Variants in TMEM17 observed in about 807,000 individuals in gnomAD.
TMEM17 encodes transmembrane protein 17.
TMEM17 carries 15 observed loss-of-function variants against 19.1 expected under a neutral mutation model. The ratio of observed to expected loss-of-function variants is 0.78; its 90% CI spans 0.52 to 1.21. The LOEUF is 1.21. TMEM17 is among the 50% of genes most tolerant of loss of function. The pLI, the probability that TMEM17 is intolerant of heterozygous loss-of-function variation, is 0.00. For synonymous variants in TMEM17, 103 were observed against 86.9 expected (o/e 1.19, Z -1.03); for missense variants, 245 against 242.3 (o/e 1.01, Z -0.07).
chr2:62,464,802 G>C, the TMEM17 span, among the ~76,000 whole-genome samples: 2 of 152,166 alleles, frequency 1.3e-5, no homozygotes, highest in African/African-American at 4.8e-5. Context: ...GGCCAGAGAT[G>C]AAATCATAGG....
chr2:62,483,995 G>T, the TMEM17 span, among the ~76,000 whole-genome samples: 6 of 152,146 alleles, frequency 3.9e-5, no homozygotes, highest in African/African-American at 7.2e-5. Flanking sequence ...AAAATTTCCT[G>T]CCTTAGCTCT....
At chr2:62,473,906 A>C in the TMEM17 span, among the ~76,000 whole-genome samples, 2 of 152,198 alleles carry the variant, frequency 1.3e-5, no homozygotes, top group African/African-American at 2.4e-5. Flanking sequence ...GCTTGAACTG[A>C]TCATTGCAGA....
At chr2:62,497,744 C>A (rs1444233178), downstream of TMEM17, among the ~76,000 whole-genome samples, 1 of 152,238 alleles carries the variant, frequency 6.6e-6, no homozygotes, top group Non-Finnish European at 1.5e-5. Flanking sequence ...GCCTACCCCC[C>A]TCAGACAATG....
downstream of TMEM17, among the ~76,000 whole-genome samples, chr2:62,499,024 T>C (rs971839937): frequency 2.0e-5 from 3 of 152,194 alleles, no homozygotes; most frequent in African/African-American, 4.8e-5. Flanking sequence ...CAAAAAACCA[T>C]GGTTTTATTG....
intron 1 of TMEM17, among the ~76,000 whole-genome samples, chr2:62,504,931 A>G (rs1476007553): frequency 6.6e-6 from 1 of 152,184 alleles, no homozygotes; most frequent in African/African-American, 2.4e-5. Context: ...AATATTTACT[A>G]TCTGGTCCTT....
the TMEM17 span, among the ~76,000 whole-genome samples, chr2:62,474,807 T>C: frequency 6.6e-6 from 1 of 152,226 alleles, no homozygotes; most frequent in Non-Finnish European, 1.5e-5. Context: ...CGAGGGTCTC[T>C]GACTGTTGGA....
the TMEM17 span, among the ~76,000 whole-genome samples, chr2:62,483,551 C>A: frequency 3.3e-5 from 5 of 151,790 alleles, no homozygotes; most frequent in African/African-American, 4.8e-5. Flanking sequence ...AAATCCTAAA[C>A]CCTAGATATT....
the TMEM17 span, among the ~76,000 whole-genome samples, chr2:62,453,894 T>C: frequency 1.3e-5 from 2 of 152,164 alleles, no homozygotes; most frequent in African/African-American, 4.8e-5. Flanking sequence ...TTGCATCTCA[T>C]GGAGGTAAGA....
chr2:62,475,878 G>A, the TMEM17 span, among the ~76,000 whole-genome samples: 98 of 152,288 alleles, frequency 6.4e-4, no homozygotes, highest in Middle Eastern at 6.8e-3. Flanking sequence ...ACAATTAATT[G>A]CCATGTTGTG....
chr2:62,472,481 C>A, the TMEM17 span, among the ~76,000 whole-genome samples: 1 of 152,192 alleles, frequency 6.6e-6, no homozygotes, highest in African/African-American at 2.4e-5. Context: ...CCCTGTCTGT[C>A]TCCCAAATGA....
the TMEM17 span, among the ~76,000 whole-genome samples, chr2:62,472,563 G>T: frequency 0.042 from 6,382 of 152,244 alleles, 479 homozygotes; most frequent in African/African-American, 0.15. Context: ...AGTTTTGCTG[G>T]CTGTCATTCC....
the TMEM17 span, among the ~76,000 whole-genome samples, chr2:62,467,244 A>G: frequency 6.6e-6 from 1 of 151,798 alleles, no homozygotes; most frequent in African/African-American, 2.4e-5. Flanking sequence ...TTTACTTTGA[A>G]GCTATCACAG....
chr2:62,461,410 G>A, the TMEM17 span, among the ~76,000 whole-genome samples: 8 of 152,180 alleles, frequency 5.3e-5, no homozygotes, highest in Non-Finnish European at 1.0e-4. Context: ...CTGGTTTTCT[G>A]GTTCCCTGCT....
At chr2:62,480,823 G>T in the TMEM17 span, among the ~76,000 whole-genome samples, 1 of 152,180 alleles carries the variant, frequency 6.6e-6, no homozygotes, top group South Asian at 2.1e-4. Flanking sequence ...TTGAATATTT[G>T]CAGGACTGGT....
the TMEM17 span, among the ~76,000 whole-genome samples, chr2:62,458,176 A>G: frequency 7.2e-5 from 11 of 152,244 alleles, no homozygotes; most frequent in Admixed American, 3.9e-4. Flanking sequence ...CCAAGGTTAG[A>G]ACTCAAGCCT....
chr2:62,462,565 G>C, the TMEM17 span, among the ~76,000 whole-genome samples: 4 of 152,178 alleles, frequency 2.6e-5, no homozygotes, highest in Non-Finnish European at 4.4e-5. Flanking sequence ...AAGGTACTCA[G>C]TATTTGAATT....
chr2:62,472,465 C>T, the TMEM17 span, among the ~76,000 whole-genome samples: 1 of 152,186 alleles, frequency 6.6e-6, no homozygotes, highest in Admixed American at 6.5e-5. Context: ...CTCTGGCTGG[C>T]GTCTCCCCTG....
chr2:62,467,229 C>T, the TMEM17 span, among the ~76,000 whole-genome samples: 1 of 152,062 alleles, frequency 6.6e-6, no homozygotes, highest in Admixed American at 6.5e-5. Flanking sequence ...TGCACCTGCC[C>T]CTTGTTTACT....
the TMEM17 span, among the ~76,000 whole-genome samples, chr2:62,487,736 C>T: frequency 6.6e-6 from 1 of 152,352 alleles, no homozygotes; most frequent in Admixed American, 6.5e-5. Context: ...GCTCTGTCGC[C>T]CAGGCTGGAG....
Sources: allele counts gnomAD v4.1 joint callset (sites outside exome capture counted in the v4.1 genomes callset), GRCh38; gene constraint gnomAD v4.1.1; transcripts MANE v1.5; gene names NCBI Gene and HGNC (gene_info 2026-07-23, HGNC 2026-07-21).